Variants in KIRREL3 observed in about 807,000 individuals in gnomAD.
KIRREL3 encodes the protein kin of IRRE-like protein 3.
A neutral mutation model predicts 89.7 loss-of-function variants in KIRREL3; 36 were observed. The observed-to-expected ratio is 0.40, with a 90% CI of 0.31 to 0.53. The LOEUF is 0.53. Ranked by LOEUF, KIRREL3 falls within the 20% of genes least tolerant of loss-of-function variation. The probability of loss-of-function intolerance (pLI) is 0.49; values close to 1 mark genes in which losing one functional copy is unlikely to be tolerated. For synonymous variants in KIRREL3, 445 were observed against 441.4 expected (o/e 1.01, Z -0.10); for missense variants, 864 against 1,056.6 (o/e 0.82, Z 2.53).
Position 126,845,170 on chromosome 11 carries a change from T to C in KIRREL3, c.55+155285A>G, listed in dbSNP as rs890875174. ...GCCAGTGTCTATGTTTTGTCACATG[T>C]ATTTTGCTCTGGAAAAATGGAAAAA... On this transcript the variant is annotated intron_variant, in intron 1 of 16. Transcript: ENST00000525144. Among the ~76,000 whole-genome samples, 3 of 152,254 alleles carry C rather than the reference T, an allele frequency of 2.0e-5. No homozygotes were observed. In the South Asian group the frequency reaches 6.2e-4, roughly 32 times the overall value.
chr11:126,753,252 C>T (rs1949393087), intron 1 of KIRREL3, among the ~76,000 whole-genome samples: 1 of 152,200 alleles, frequency 6.6e-6, no homozygotes, highest in African/African-American at 2.4e-5. Context: ...CAACCTGGCT[C>T]AGAGCAGACA....
rs1181459252 is a variant in KIRREL3 at position 126,778,327 on chromosome 11, T to C, written c.56-215415A>G. ...GGCCAGGGGATTTGTCTTGAAGTTG[T>C]GTTTGCGTAGCAATCACCCATTTTT... On this transcript the variant is annotated intron_variant, in intron 1 of 16. Coordinates refer to ENST00000525144, the MANE Select transcript of KIRREL3 (RefSeq NM_032531.4). This position sits in a 1 kb window ranked among gnomAD's most constrained non-coding sequence, Gnocchi z 4.5. 6.6e-6 allele frequency among the ~76,000 whole-genome samples: 1 copy of C among 152,216 alleles called. No homozygotes were observed. The highest frequency in any genetic ancestry group is 1.5e-5 in the Non-Finnish European group (1 of 68,038).
Position 126,526,736 on chromosome 11 carries a change from C to A in KIRREL3, c.134-49G>T. The stretch of plus-strand genomic sequence containing the variant: ...GTCAGTTATCTGCCGGCTACAGGGG[C>A]GAGAAGGCTCCCCTCCAGCTATGGA... On this transcript the variant is annotated intron_variant, in intron 2 of 16. Transcript: ENST00000525144. This position sits in a 1 kb window ranked among gnomAD's most constrained non-coding sequence, Gnocchi z 5.7. The A allele has an allele frequency of 6.5e-7, 1 of 1,526,904 alleles. No homozygotes were observed. The highest frequency in any genetic ancestry group is 8.9e-7 in the Non-Finnish European group (1 of 1,127,514). 94.6% of individuals were successfully genotyped at this position (1,526,904 alleles called of 1,614,324 possible).
At position 126,985,457 on chromosome 11, in the gene KIRREL3, G is replaced by A. The variant is rs537324931; in HGVS notation, c.55+14998C>T. On this transcript the variant is annotated intron_variant, in intron 1 of 16. Transcript: ENST00000525144. This position sits in a 1 kb window ranked among gnomAD's most constrained non-coding sequence, Gnocchi z 5.3. ...AGAGCCACAAAAGGCTTCCTGGGGC[G>A]CTGTGGAATAAGGAAGGAAGGGCAT... Among the ~76,000 whole-genome samples the A allele has an allele frequency of 1.5e-4, 23 of 152,302 alleles. No homozygotes were observed. The highest frequency in any genetic ancestry group is 1.9e-4 in the East Asian group (1 of 5,176).
intron 1 of KIRREL3, among the ~76,000 whole-genome samples, chr11:126,824,202 C>T (rs1943327667): frequency 6.6e-6 from 1 of 152,136 alleles, no homozygotes; most frequent in Admixed American, 6.5e-5. Flanking sequence ...TGTCCCCAGG[C>T]ATCCCAGCAG....
At chr11:126,949,901 A>G (rs951914220) in intron 1 of KIRREL3, among the ~76,000 whole-genome samples, 5 of 152,224 alleles carry the variant, frequency 3.3e-5, no homozygotes, top group African/African-American at 1.2e-4. Flanking sequence ...CGAGTTCTCC[A>G]CTGTGTACAT....
chr11:126,973,350 A>G (rs1949485997), intron 1 of KIRREL3, among the ~76,000 whole-genome samples: 1 of 152,184 alleles, frequency 6.6e-6, no homozygotes, highest in Non-Finnish European at 1.5e-5. Flanking sequence ...AGAGCTGCCT[A>G]AGGCATGCAT....
chr11:126,925,356 C>T (rs73573083), intron 1 of KIRREL3, among the ~76,000 whole-genome samples: 10,937 of 152,052 alleles, frequency 0.072, 482 homozygotes, highest in Middle Eastern at 0.12. Context: ...CCTGTGGTGG[C>T]GGGGGGAGCA....
intron 1 of KIRREL3, among the ~76,000 whole-genome samples, chr11:126,947,729 C>T (rs1409679675): frequency 2.0e-5 from 3 of 152,192 alleles, no homozygotes; most frequent in East Asian, 1.9e-4. Flanking sequence ...AAAGGGATCC[C>T]ATGGCTTTTC....
intron 1 of KIRREL3, among the ~76,000 whole-genome samples, chr11:126,644,571 T>TG (rs1944592610): frequency 6.6e-6 from 1 of 151,928 alleles, no homozygotes; most frequent in Non-Finnish European, 1.5e-5. Flanking sequence ...AGACATGGGT[T>TG]GGGGGTGGGG....
intron 1 of KIRREL3, among the ~76,000 whole-genome samples, chr11:126,775,296 C>G (rs1298445534): frequency 7.9e-5 from 12 of 152,188 alleles, no homozygotes; most frequent in Non-Finnish European, 1.8e-4. Context: ...TGGTTCCTGA[C>G]AGCAAAAAGA....
rs1360834776 is a variant in KIRREL3, at chr11:126,736,895, C to G, written c.56-173983G>C. 6.6e-6 allele frequency among the ~76,000 whole-genome samples: 1 copy of G among 152,218 alleles called. No individual in the cohort carries two copies. The highest frequency in any genetic ancestry group is 1.5e-5 in the Non-Finnish European group (1 of 68,040). ...AAGAGCTCAAAGGGAGTGCCCCAGACTGGCTGTCACAAGCATGGTGTGGAA... is the reference window on the plus strand; with the variant it reads ...AAGAGCTCAAAGGGAGTGCCCCAGAGTGGCTGTCACAAGCATGGTGTGGAA... On this transcript the variant is annotated intron_variant, in intron 1 of 16. Coordinates refer to ENST00000525144, the MANE Select transcript of KIRREL3 (RefSeq NM_032531.4). This position sits in a 1 kb window ranked among gnomAD's most constrained non-coding sequence, Gnocchi z 5.0.
At chr11:126,552,152 C>T (rs1939316261) in intron 2 of KIRREL3, among the ~76,000 whole-genome samples, 1 of 152,146 alleles carries the variant, frequency 6.6e-6, no homozygotes, top group Non-Finnish European at 1.5e-5. Context: ...AGGTATTATT[C>T]CTCATTTTCT....
intron 1 of KIRREL3, among the ~76,000 whole-genome samples, chr11:126,602,848 T>C (rs937823118): frequency 2.6e-5 from 4 of 152,198 alleles, no homozygotes; most frequent in Non-Finnish European, 5.9e-5. Flanking sequence ...TTTCATGAGC[T>C]GCTCTGGAAA....
rs1715306749 is a variant in KIRREL3 at position 126,993,553 on chromosome 11, AC to A, written c.55+6901del. ...TTTCAGAACACTCTGACAGCTCTGAACCCATCATATTGTAACCTTAATCGAA... is the reference window on the plus strand; with the variant it reads ...TTTCAGAACACTCTGACAGCTCTGAACCATCATATTGTAACCTTAATCGAA... On this transcript the variant is annotated intron_variant, in intron 1 of 16. Transcript: ENST00000525144. This position sits in a 1 kb window ranked among gnomAD's most constrained non-coding sequence, Gnocchi z 6.1. 6.6e-6 allele frequency among the ~76,000 whole-genome samples: 1 copy of A among 152,100 alleles called. No individual in the cohort carries two copies. Among genetic ancestry groups the A allele is most frequent in the African/African-American group, 2.4e-5 (1 of 41,392 alleles).
chr11:126,830,633 T>C lies in KIRREL3; in HGVS notation c.55+169822A>G, dbSNP rs1943574510. ...CTGTTAAGAGCCAGCTAAGCAGGGA[T>C]TGGACAGGCAGGCACTTAGGAAGGT... is the stretch of plus-strand genomic sequence containing the variant. On this transcript the variant is annotated intron_variant, in intron 1 of 16. Coordinates refer to ENST00000525144, the MANE Select transcript of KIRREL3 (RefSeq NM_032531.4). The surrounding 1 kb of genome is among the most constrained non-coding windows in gnomAD (Gnocchi z 4.9). 6.6e-6 allele frequency among the ~76,000 whole-genome samples: 1 copy of C among 152,172 alleles called. No individual in the cohort carries two copies.
At position 126,646,149 on chromosome 11, in the gene KIRREL3, G is replaced by A. The variant is rs146469042; in HGVS notation, c.56-83237C>T. ...AAACAGGTCAGCATTAGCATCTGCA[G>A]GTTCGCGATATGATCGCCCAGTGGG... is the stretch of plus-strand genomic sequence containing the variant. On this transcript the variant is annotated intron_variant, in intron 1 of 16. Transcript: ENST00000525144. Among the ~76,000 whole-genome samples the A allele has an allele frequency of 7.4e-3, 1,121 of 152,200 alleles. 8 individuals carry two copies. The highest frequency in any genetic ancestry group is 0.024 in the African/African-American group (988 of 41,522).
intron 1 of KIRREL3, among the ~76,000 whole-genome samples, chr11:126,875,907 C>T (rs1565374328): frequency 6.6e-6 from 1 of 152,154 alleles, no homozygotes; most frequent in Non-Finnish European, 1.5e-5. Flanking sequence ...TGAGGGAAAA[C>T]ATGGCATCCC....
In KIRREL3 at chr11:126,830,111, C is replaced by T. The variant is rs1943557907; in HGVS notation, c.55+170344G>A. The stretch of plus-strand genomic sequence containing the variant: ...TGGTTGCCTTGCAAAAGAAAAAAAA[C>T]CCATCCCCTTACTGCTGGAAATCAC... On this transcript the variant is annotated intron_variant, in intron 1 of 16. Transcript: ENST00000525144. The surrounding 1 kb of genome is among the most constrained non-coding windows in gnomAD (Gnocchi z 4.9). 2.0e-5 allele frequency among the ~76,000 whole-genome samples: 3 copies of T among 152,042 alleles called. No individual in the cohort carries two copies. In the South Asian group the frequency reaches 6.2e-4, roughly 31 times the overall value.
Sources: gnomAD v4.1 joint callset for allele counts (sites outside exome capture counted in the v4.1 genomes callset) on GRCh38, gnomAD v4.1.1 for gene constraint, Gnocchi (gnomAD v3.1) non-coding constraint, MANE v1.5 for transcripts, NCBI Gene and HGNC (gene_info 2026-07-23, HGNC 2026-07-21) for gene names.